The following COA4 variants were observed in gnomAD, a reference collection of about 807,000 sequenced individuals.
The protein encoded by COA4 is cytochrome c oxidase assembly factor 4 homolog, also known as cytochrome c oxidase assembly factor 4 homolog, mitochondrial.
COA4 carries 8 observed loss-of-function variants against 7.3 expected under a neutral mutation model. The ratio of observed to expected loss-of-function variants is 1.10; its 90% confidence interval spans 0.64 to 1.98. The LOEUF is 1.98. COA4 is among the 30% of genes most tolerant of loss of function. The pLI is 0.00. For synonymous variants in COA4, 42 were observed against 44.3 expected (o/e 0.95, Z 0.21); for missense variants, 96 against 111.2 (o/e 0.86, Z 0.62).
chr11:73,873,426 A>G (rs910841919), intron 1 of COA4, 32 bp from the exon 2 acceptor site: 2 of 1,584,712 alleles, frequency 1.3e-6, no homozygotes, highest in African/African-American at 2.7e-5. Flanking sequence ...GAGTAGGGAT[A>G]TAATATGTAA....
chr11:73,874,879 G>A (rs971859868), intron 1 of COA4, among the ~76,000 whole-genome samples: 2 of 152,032 alleles, frequency 1.3e-5, no homozygotes, highest in African/African-American at 2.4e-5. Context: ...CCAGCTACTC[G>A]GGAGGCTCAG....
chr11:73,873,395 C>T lies in COA4; in HGVS notation c.-16-1G>A. On this transcript the variant is annotated splice_acceptor_variant, in intron 1 of 1. Transcript: ENST00000355693. LOFTEE classifies it low-confidence loss of function (5UTR_SPLICE). Reference sequence around the variant, plus strand: ...GGTTGACATCCTGGGGATGGGGAGTCTATAGAACATTAACAGGTTAGAGTA... The same window carrying T: ...GGTTGACATCCTGGGGATGGGGAGTTTATAGAACATTAACAGGTTAGAGTA... 1 of 1,613,280 alleles carries T rather than the reference C, an allele frequency of 6.2e-7. No individual in the cohort carries two copies. Among genetic ancestry groups the T allele is most frequent in the Non-Finnish European group, 8.5e-7 (1 of 1,179,454 alleles).
At chr11:73,876,257 A>C (rs552407546) in intron 1 of COA4, 1 of 152,356 alleles carries the variant, frequency 6.6e-6, no homozygotes, top group South Asian at 2.1e-4. Context: ...AGGAGCAAAT[A>C]ATTTAGAGAA....
intron 1 of COA4, 52 bp downstream of exon 1, chr11:73,876,705 A>G: frequency 3.8e-6 from 1 of 266,298 alleles, no homozygotes; most frequent in Non-Finnish European, 7.0e-6. Flanking sequence ...CGCTGATCGC[A>G]GCCCCGTTGT....
chr11:73,874,159 T>A (rs984558896), intron 1 of COA4, among the ~76,000 whole-genome samples: 1 of 151,922 alleles, frequency 6.6e-6, no homozygotes, highest in East Asian at 1.9e-4. Flanking sequence ...CAAAAAAATT[T>A]AAAAATGGCT....
Position 73,872,852 on chromosome 11 carries a change from G to T in COA4, c.*263C>A, listed in dbSNP as rs1303665776. 1 of 456,774 alleles carries T rather than the reference G, an allele frequency of 2.2e-6. No individual in the cohort carries two copies. The highest frequency in any genetic ancestry group is 3.9e-6 in the Non-Finnish European group (1 of 258,284). The allele number at this position is 456,774 out of a possible 1,614,324, so 28.3% of individuals were successfully genotyped here. The stretch of plus-strand genomic sequence containing the variant: ...GGCACACTGACTTAAGATGTGGGGT[G>T]GGGGAGCATCCCTTAACACATTCTT... On this transcript the variant is annotated 3_prime_UTR_variant, in exon 2 of 2. Transcript: ENST00000355693.
rs530179738 is a variant in COA4 at position 73,874,132 on chromosome 11, G to T, written c.-16-738C>A. Among the ~76,000 whole-genome samples the T allele has an allele frequency of 3.3e-5, 5 of 152,134 alleles. No individual in the cohort carries two copies. The East Asian group carries it at 7.8e-4, about 24-fold the overall frequency. On this transcript the variant is annotated intron_variant, in intron 1 of 1. Transcript: ENST00000355693. ...GAATTTGAGACCAGCAGGGGTAATAGCAAGACCTCATCTCTACAAAAAAAT... is the reference window on the plus strand; with the variant it reads ...GAATTTGAGACCAGCAGGGGTAATATCAAGACCTCATCTCTACAAAAAAAT...
chr11:73,876,261 TAGAG>T (rs1212487817), intron 1 of COA4: 4 of 152,278 alleles, frequency 2.6e-5, no homozygotes, highest in Non-Finnish European at 5.9e-5. Context: ...GCAAATAATT[TAGAG>T]AAAGAACAGT....
In COA4 at chr11:73,876,748, G is replaced by C. The variant is rs868834286; in HGVS notation, c.-17+9C>G. 3.0e-6 allele frequency: 1 copy of C among 332,780 alleles called. No individual in the cohort carries two copies. Among genetic ancestry groups the C allele is most frequent in the African/African-American group, 2.1e-5 (1 of 47,058 alleles). 20.6% of individuals were successfully genotyped at this position (332,780 alleles called of 1,614,324 possible). On this transcript the variant is annotated intron_variant, in intron 1 of 1. Coordinates refer to ENST00000355693, the MANE Select transcript of COA4 (RefSeq NM_016565.3). ...ACGCCTCCTGAAGAACGCGGTACGC[G>C]ATGCTCACCGAACAGGTGGGAGAAG...
chr11:73,873,570 T>C, intron 1 of COA4, 176 bp from the exon 2 acceptor site: 1 of 616,378 alleles, frequency 1.6e-6, no homozygotes, highest in East Asian at 2.8e-5. Flanking sequence ...GTGTCTTGCT[T>C]TGTTGCCCAG....
chr11:73,872,857 A>G lies in COA4; in HGVS notation c.*258T>C. On this transcript the variant is annotated 3_prime_UTR_variant, in exon 2 of 2. Transcript: ENST00000355693. ...ACTGACTTAAGATGTGGGGTGGGGG[A>G]GCATCCCTTAACACATTCTTTGTTT... 1 of 462,930 alleles carries G rather than the reference A, an allele frequency of 2.2e-6. No individual in the cohort carries two copies. The highest frequency in any genetic ancestry group is 3.8e-6 in the Non-Finnish European group (1 of 262,362). 28.7% of individuals were successfully genotyped at this position (462,930 alleles called of 1,614,324 possible).
rs561198936 is a variant in COA4, at chr11:73,874,996, C to G, written c.-16-1602G>C. 1.6e-4 allele frequency among the ~76,000 whole-genome samples: 25 copies of G among 152,212 alleles called. No homozygotes were observed. The South Asian group carries it at 5.0e-3, about 30-fold the overall frequency. On this transcript the variant is annotated intron_variant, in intron 1 of 1. Coordinates refer to ENST00000355693, the MANE Select transcript of COA4 (RefSeq NM_016565.3). ...AGTGAGACTCCATCTCCAAAACAAA[C>G]AAACAAACAAAGTGAAAGAGTGCCC...
Position 73,873,291 on chromosome 11 carries a change from AGATCAGC to A in COA4, c.81_87del (p.Gln27HisfsTer37), listed in dbSNP as rs749445662. The A allele has an allele frequency of 6.2e-7, 1 of 1,614,218 alleles. No homozygotes were observed. Among genetic ancestry groups the A allele is most frequent in the Admixed American group, 1.7e-5 (1 of 60,022 alleles). ...TGGGAGGCAGCACAGCCAGAGCGGGAGATCAGCTGGTCCAGCGGGTCCTCCTCCTCAT... is the reference window on the plus strand; with the variant it reads ...TGGGAGGCAGCACAGCCAGAGCGGGATGGTCCAGCGGGTCCTCCTCCTCAT... On this transcript the variant is annotated frameshift_variant, in exon 2 of 2. Coordinates refer to ENST00000355693, the MANE Select transcript of COA4 (RefSeq NM_016565.3). LOFTEE classifies it high-confidence loss of function.
Position 73,873,304 on chromosome 11 carries a change from C to T in COA4, c.75G>A (p.Leu25=), listed in dbSNP as rs1323502792. The T allele has an allele frequency of 3.1e-6, 5 of 1,614,130 alleles. No individual in the cohort carries two copies. The highest frequency in any genetic ancestry group is 4.2e-6 in the Non-Finnish European group (5 of 1,180,064). ...VKKDDEEEDP[L]DQLISRSGCA... is the part of the protein sequence containing the mutation. ...AGCCAGAGCGGGAGATCAGCTGGTC[C>T]AGCGGGTCCTCCTCCTCATCGTCTT... The change falls in exon 2 of 2, where the codon CTG becomes CTA. Residue 25 remains leucine (L), a synonymous_variant. Coordinates refer to ENST00000355693, the MANE Select transcript of COA4 (RefSeq NM_016565.3).
rs35017327 is a variant in COA4 at position 73,873,308 on chromosome 11, G to A, written c.71C>T (p.Pro24Leu). 602 of 1,614,224 alleles carry A rather than the reference G, an allele frequency of 3.7e-4. 2 individuals carry two copies. The African/African-American group carries it at 7.2e-3, about 19-fold the overall frequency. ...RVKKDDEEED[P>L]LDQLISRSGC... ...AGAGCGGGAGATCAGCTGGTCCAGCGGGTCCTCCTCCTCATCGTCTTTCTT... is the reference window on the plus strand; with the variant it reads ...AGAGCGGGAGATCAGCTGGTCCAGCAGGTCCTCCTCCTCATCGTCTTTCTT... Residue 24 changes from proline to leucine, a missense_variant, in exon 2 of 2, where the codon CCG becomes CTG. Physicochemically the swap from Pro to Leu is moderately conservative, Grantham distance 98. Transcript: ENST00000355693.
rs902011375 is a variant in COA4 at position 73,874,448 on chromosome 11, C to CA, written c.-16-1055dup. On this transcript the variant is annotated intron_variant, in intron 1 of 1. Coordinates refer to ENST00000355693, the MANE Select transcript of COA4 (RefSeq NM_016565.3). ...GGGCAATAAGAGCAAAACTCCATCT[C>CA]AAAAAAAAAGAAAAAAGAAAAAAAA... is the stretch of plus-strand genomic sequence containing the variant. 11 of 147,744 alleles carry CA rather than the reference C, an allele frequency of 7.4e-5. No individual in the cohort carries two copies. The South Asian group carries it at 8.5e-4, about 11-fold the overall frequency. 9.2% of individuals were successfully genotyped at this position (147,744 alleles called of 1,614,324 possible).
chr11:73,873,290 G>A lies in COA4; in HGVS notation c.89C>T (p.Ser30Phe), dbSNP rs778965264. Residue 30 changes from serine (S) to phenylalanine (F), a missense_variant, in exon 2 of 2, where the codon TCC (serine) becomes TTC (phenylalanine). Ser to Phe is a radical substitution (Grantham distance 155, BLOSUM62 -2). Coordinates refer to ENST00000355693, the MANE Select transcript of COA4 (RefSeq NM_016565.3). ...GTGGGAGGCAGCACAGCCAGAGCGG[G>A]AGATCAGCTGGTCCAGCGGGTCCTC... ...EEEDPLDQLISRSGCAASHFA... is the reference protein window; with the variant it reads ...EEEDPLDQLIFRSGCAASHFA... The A allele has an allele frequency of 4.1e-5, 66 of 1,614,138 alleles. No homozygotes were observed. The highest frequency in any genetic ancestry group is 4.8e-5 in the Non-Finnish European group (57 of 1,180,062).
rs1386312878 is a variant in COA4, at chr11:73,875,682, G to T, written c.-17+1075C>A. 24 of 147,420 alleles carry T rather than the reference G, an allele frequency of 1.6e-4. No homozygotes were observed. The East Asian group carries it at 3.8e-3, about 23-fold the overall frequency. The allele number at this position is 147,420 out of a possible 1,614,324, so 9.1% of individuals were successfully genotyped here. ...CACATGAGAGCAAAAAAAAAAAAAA[G>T]TTCAGTGATGGGAGAATACAGTGTG... On this transcript the variant is annotated intron_variant, in intron 1 of 1. Transcript: ENST00000355693.
At chr11:73,873,508 GAGACTCTAAGCTTGA>G (rs1948711326) in intron 1 of COA4, 114 bp from the exon 2 acceptor site, 1 of 910,890 alleles carries the variant, frequency 1.1e-6, no homozygotes, top group Non-Finnish European at 1.6e-6. Flanking sequence ...TCTCCCGTGG[GAGACTCTAAGCTTGA>G]AGACAGATGC....
Sources: allele counts gnomAD v4.1 joint callset (sites outside exome capture counted in the v4.1 genomes callset), GRCh38; gene constraint gnomAD v4.1.1; transcripts MANE v1.5; gene names NCBI Gene and HGNC (gene_info 2026-07-23, HGNC 2026-07-21).